The following NEDD4L variants were observed in gnomAD, a reference collection of about 807,000 sequenced individuals.
NEDD4L encodes NEDD4 like E3 ubiquitin protein ligase.
Under a neutral mutation model 148.9 loss-of-function variants are expected in NEDD4L, and 54 were observed. That is an observed-to-expected ratio of 0.36 (90% CI 0.29 to 0.45). NEDD4L has a LOEUF of 0.45. Among genes scored for constraint, NEDD4L ranks in the 20% least tolerant of loss-of-function variants. The pLI is 1.00. For missense variants in NEDD4L, 856 were observed against 1,233.8 expected, an observed-to-expected ratio of 0.69 and a Z score of 4.59; for synonymous variants, 433 against 440.7, an observed-to-expected ratio of 0.98 and a Z score of 0.22.
At chr18:58,228,368 A>G (rs935652334) in intron 2 of NEDD4L, among the ~76,000 whole-genome samples, 8 of 152,202 alleles carry the variant, frequency 5.3e-5, no homozygotes, top group Non-Finnish European at 8.8e-5. Context: ...GGTGGGGGGC[A>G]GGACATTTCT....
In NEDD4L at chr18:58,370,428, G is replaced by A. The variant is rs1335588465; in HGVS notation, c.2217G>A (p.Met739Ile). ...TCATTAGACCATTTTACAAGATGAT[G>A]TTGGGAAAGCAGATAACCCTGAATG... ...GFFIRPFYKM[M>I]LGKQITLNDM... The change falls in exon 23 of 31, where the codon ATG (methionine) becomes ATA (isoleucine). Residue 739 changes from methionine to isoleucine, a missense_variant. Transcript: ENST00000400345. 1.9e-6 allele frequency: 3 copies of A among 1,612,492 alleles called. No individual in the cohort carries two copies. In the African/African-American group the frequency reaches 4.0e-5, roughly 22 times the overall value.
At chr18:58,374,750 G>A (rs1335374125) in intron 24 of NEDD4L, among the ~76,000 whole-genome samples, 4 of 152,208 alleles carry the variant, frequency 2.6e-5, no homozygotes, top group Non-Finnish European at 4.4e-5. Context: ...CTCCCCACTG[G>A]TCTCCAGTCC....
At chr18:58,110,279 A>G (rs939660472) in intron 1 of NEDD4L, among the ~76,000 whole-genome samples, 1 of 152,200 alleles carries the variant, frequency 6.6e-6, no homozygotes, top group Non-Finnish European at 1.5e-5. Context: ...ATGGGATGGA[A>G]GGATGGAGAA....
chr18:58,259,812 T>G (rs1466949979), intron 5 of NEDD4L, among the ~76,000 whole-genome samples: 1 of 152,198 alleles, frequency 6.6e-6, no homozygotes, highest in Non-Finnish European at 1.5e-5. Flanking sequence ...CTCTGGACTT[T>G]CCTCTGTGTC....
chr18:58,292,135 C>T (rs1478234054), intron 5 of NEDD4L, among the ~76,000 whole-genome samples: 6 of 111,226 alleles, frequency 5.4e-5, no homozygotes, highest in Admixed American at 4.4e-4. Context: ...CCCTCTGAGG[C>T]GTGCACTGGC....
At chr18:58,367,197 G>A (rs192462606) in intron 21 of NEDD4L, 14 of 152,612 alleles carry the variant, frequency 9.2e-5, no homozygotes, top group African/African-American at 3.4e-4. Context: ...AACCAAGCAA[G>A]ATCATTTGGA....
intron 2 of NEDD4L, among the ~76,000 whole-genome samples, chr18:58,229,192 A>G (rs1035314983): frequency 6.6e-6 from 1 of 152,208 alleles, no homozygotes; most frequent in Non-Finnish European, 1.5e-5. Context: ...TACAGTGTCA[A>G]TGTCATTAGC....
intron 1 of NEDD4L, among the ~76,000 whole-genome samples, chr18:58,149,751 T>G (rs1257981336): frequency 6.6e-6 from 1 of 152,252 alleles, no homozygotes; most frequent in African/African-American, 2.4e-5. Context: ...CCTCAGGGTT[T>G]ATTTAGGAAC....
intron 2 of NEDD4L, among the ~76,000 whole-genome samples, chr18:58,198,873 C>T (rs1435355413): frequency 3.3e-5 from 5 of 152,168 alleles, no homozygotes; most frequent in Admixed American, 6.5e-5. Context: ...GGCGCAATCT[C>T]CGCTCACAGC....
In NEDD4L at chr18:58,253,538, A is replaced by G. The variant is rs142162600; in HGVS notation, c.297+1484A>G. On this transcript the variant is annotated intron_variant, in intron 5 of 30. Coordinates refer to ENST00000400345, the MANE Select transcript of NEDD4L (RefSeq NM_001144967.3). Reference sequence around the variant, plus strand: ...CTGAGGGTGCAGTTCTTGTCTCTCCATCTCTCATCCAGTGAGGACCAAGTG... The same window carrying G: ...CTGAGGGTGCAGTTCTTGTCTCTCCGTCTCTCATCCAGTGAGGACCAAGTG... Among the ~76,000 whole-genome samples the G allele has an allele frequency of 1.8e-3, 278 of 152,324 alleles. 3 individuals are homozygous for G. Among genetic ancestry groups the G allele is most frequent in the African/African-American group, 6.4e-3 (264 of 41,574 alleles).
chr18:58,077,925 C>G (rs11878005), intron 1 of NEDD4L, among the ~76,000 whole-genome samples: 3,057 of 151,992 alleles, frequency 0.02, 116 homozygotes, highest in African/African-American at 0.07. Flanking sequence ...ATCAGGGATG[C>G]TGCCGAGCAT....
chr18:58,306,540 T>C (rs1230129585), intron 5 of NEDD4L, among the ~76,000 whole-genome samples: 1 of 152,100 alleles, frequency 6.6e-6, no homozygotes, highest in South Asian at 2.1e-4. Flanking sequence ...GTACATGAAG[T>C]ACAGGTTCTG....
intron 2 of NEDD4L, among the ~76,000 whole-genome samples, chr18:58,232,031 G>A (rs927177433): frequency 6.6e-6 from 1 of 152,196 alleles, no homozygotes; most frequent in South Asian, 2.1e-4. Context: ...TTATCTTGAT[G>A]TGTCCCCTGT....
rs559841644 is a variant in NEDD4L, at chr18:58,296,553, C to T, written c.298-19429C>T. Among the ~76,000 whole-genome samples, 9 of 152,340 alleles carry T rather than the reference C, an allele frequency of 5.9e-5. No homozygotes were observed. The South Asian group carries it at 1.7e-3, about 28-fold the overall frequency. On this transcript the variant is annotated intron_variant, in intron 5 of 30. Coordinates refer to ENST00000400345, the MANE Select transcript of NEDD4L (RefSeq NM_001144967.3). Reference sequence around the variant, plus strand: ...TCCTCCAGCTTCTGGGGGCTGCCAGCGGGCTCCAGCCTCTGCCGCTGGGGC... The same window carrying T: ...TCCTCCAGCTTCTGGGGGCTGCCAGTGGGCTCCAGCCTCTGCCGCTGGGGC...
At position 58,341,717 on chromosome 18, in the gene NEDD4L, A is replaced by G. The variant is rs1245506692; in HGVS notation, c.1297A>G (p.Asn433Asp). 9 of 1,613,926 alleles carry G rather than the reference A, an allele frequency of 5.6e-6. No homozygotes were observed. Among genetic ancestry groups the G allele is most frequent in the Non-Finnish European group, 7.6e-6 (9 of 1,179,878 alleles). Residue 433 changes from asparagine (N) to aspartate (D), a missense_variant, in exon 15 of 31, where the codon AAC becomes GAC. This residue lies in a region of NEDD4L where 367 missense variants were observed against 422.7 expected (regional missense o/e 0.87). Coordinates refer to ENST00000400345, the MANE Select transcript of NEDD4L (RefSeq NM_001144967.3). ...TGCGTCCGGATCAGCCACAAACAGT[A>G]ACAACCATCTAATCGAGCCTCAGAT... is the stretch of plus-strand genomic sequence containing the variant. ...DGASGSATNS[N>D]NHLIEPQIRR...
intron 1 of NEDD4L, among the ~76,000 whole-genome samples, chr18:58,132,156 A>G (rs1420903151): frequency 6.6e-6 from 1 of 152,134 alleles, no homozygotes; most frequent in Non-Finnish European, 1.5e-5. Context: ...TTTAATTTCC[A>G]TTATTCTCCA....
chr18:58,122,147 GT>G (rs1262761768), intron 1 of NEDD4L, among the ~76,000 whole-genome samples: 1 of 152,204 alleles, frequency 6.6e-6, no homozygotes, highest in Non-Finnish European at 1.5e-5. Flanking sequence ...GGAAGTGATG[GT>G]TTTGTGCCCA....
intron 1 of NEDD4L, among the ~76,000 whole-genome samples, chr18:58,122,246 T>C (rs927937164): frequency 6.6e-6 from 1 of 152,244 alleles, no homozygotes; most frequent in African/African-American, 2.4e-5. Context: ...ACGCCTGTAA[T>C]CCCAGCACTT....
At chr18:58,174,813 C>T (rs570256462) in intron 2 of NEDD4L, among the ~76,000 whole-genome samples, 2 of 151,966 alleles carry the variant, frequency 1.3e-5, no homozygotes, top group Admixed American at 1.3e-4. Context: ...CAGCAAGTAA[C>T]GAGGGGAGGG....
Sources: gnomAD v4.1 joint callset for allele counts (sites outside exome capture counted in the v4.1 genomes callset) on GRCh38, gnomAD v4.1.1 for gene constraint, gnomAD v4.1.1 regional missense constraint, MANE v1.5 for transcripts, NCBI Gene and HGNC (gene_info 2026-07-23, HGNC 2026-07-21) for gene names.